PPP4R2: variants seen among roughly 807,000 people sequenced by gnomAD.
PPP4R2 encodes serine/threonine-protein phosphatase 4 regulatory subunit 2.
In PPP4R2, 13 loss-of-function variants were observed where a neutral mutation model predicts 47.2. That is an observed-to-expected ratio of 0.28 (90% CI 0.18 to 0.44). The LOEUF (loss-of-function observed/expected upper bound fraction) is 0.44. PPP4R2 is among the 20% of genes least tolerant of loss of function. The pLI is 1.00. For missense variants in PPP4R2, 421 were observed against 491.2 expected, an observed-to-expected ratio of 0.86 and a Z score of 1.35; for synonymous variants, 151 against 163.3, an observed-to-expected ratio of 0.92 and a Z score of 0.57.
chr3:73,009,291 GATA>G (rs780296274), intron 2 of PPP4R2, among the ~76,000 whole-genome samples: 18 of 152,180 alleles, frequency 1.2e-4, no homozygotes, highest in South Asian at 4.1e-4. Flanking sequence ...TAAAGTGTCT[GATA>G]ATAATATGAG....
rs1703021175 is a variant in PPP4R2, at chr3:73,067,402, A to G, written c.*1680A>G. ...ATAAATACCAAAACGATTTGGATCCATTTATGTTTGTAGGATAATATACTA... is the reference window on the plus strand; with the variant it reads ...ATAAATACCAAAACGATTTGGATCCGTTTATGTTTGTAGGATAATATACTA... On this transcript the variant is annotated 3_prime_UTR_variant, in exon 9 of 9. Coordinates refer to ENST00000356692, the MANE Select transcript of PPP4R2 (RefSeq NM_174907.4). 1.3e-5 allele frequency: 2 copies of G among 152,106 alleles called. No homozygotes were observed. The highest frequency in any genetic ancestry group is 4.8e-5 in the African/African-American group (2 of 41,432). The allele number at this position is 152,106 out of a possible 1,614,324, so 9.4% of individuals were successfully genotyped here.
intron 3 of PPP4R2, among the ~76,000 whole-genome samples, chr3:73,053,759 A>G (rs1409579255): frequency 6.6e-6 from 1 of 151,982 alleles, no homozygotes; most frequent in East Asian, 2.0e-4. Flanking sequence ...AATACAAAAA[A>G]TTAGCTGGGC....
At chr3:73,055,280 A>G (rs941723158) in intron 3 of PPP4R2, among the ~76,000 whole-genome samples, 1 of 152,118 alleles carries the variant, frequency 6.6e-6, no homozygotes, top group African/African-American at 2.4e-5. Flanking sequence ...TTAATATACC[A>G]TATACATTAT....
Position 73,047,335 on chromosome 3 carries a change from A to G in PPP4R2, c.266A>G (p.Lys89Arg). 3 of 1,610,208 alleles carry G rather than the reference A, an allele frequency of 1.9e-6. No homozygotes were observed. The highest frequency in any genetic ancestry group is 2.5e-6 in the Non-Finnish European group (3 of 1,177,964). The change falls in exon 3 of 9, where the codon AAA (lysine) becomes AGA (arginine). Residue 89 changes from lysine (K) to arginine (R), a missense_variant. Around this residue, in one of 2 missense-constraint regions of PPP4R2, gnomAD observed 104 missense variants for 203.7 expected, o/e 0.51. Transcript: ENST00000356692. ...GATGAAATGAAGGAAAGAATACTGA[A>G]AATTGTCACTGGATTTAATGGGTAT... is the stretch of plus-strand genomic sequence containing the variant. Reference protein sequence around the residue: ...PFDEMKERILKIVTGFNGIPF... With the variant: ...PFDEMKERILRIVTGFNGIPF...
At chr3:73,044,250 G>A (rs1029849143) in intron 2 of PPP4R2, among the ~76,000 whole-genome samples, 1 of 151,856 alleles carries the variant, frequency 6.6e-6, no homozygotes, top group Non-Finnish European at 1.5e-5. Context: ...TGTTTTTGGA[G>A]CAACCAAACT....
In PPP4R2 at chr3:73,066,239, C is replaced by CATACATATATATATATATATATATATAT. The variant is rs1553652539; in HGVS notation, c.*520_*521insCATATATATATATATATATATATATATA. 12 of 134,116 alleles carry CATACATATATATATATATATATATATAT rather than the reference C, an allele frequency of 8.9e-5. No individual in the cohort carries two copies. Among genetic ancestry groups the CATACATATATATATATATATATATATAT allele is most frequent in the African/African-American group, 3.3e-4 (12 of 36,578 alleles). 8.3% of individuals were successfully genotyped at this position (134,116 alleles called of 1,614,324 possible). ...TGGAACTTTAAGTCATATATACATACATATATATATATATATATATATAAT... is the reference window on the plus strand; with the variant it reads ...TGGAACTTTAAGTCATATATACATACATACATATATATATATATATATATATATATATATATATATATATATATATAAT... On this transcript the variant is annotated 3_prime_UTR_variant, in exon 9 of 9. Transcript: ENST00000356692.
At chr3:73,015,733 G>A (rs1290429119) in intron 2 of PPP4R2, 5 of 421,338 alleles carry the variant, frequency 1.2e-5, no homozygotes, top group African/African-American at 6.3e-5. Context: ...CACCCCCTGG[G>A]TTCATGCCAT....
At position 73,062,397 on chromosome 3, in the gene PPP4R2, G is replaced by A. The variant is rs180889188; in HGVS notation, c.420-1276G>A. ...TGGGGATATTAAGGACATTAAAAAA[G>A]CAGCCAAGTCTATGCTAGACCCAGC... On this transcript the variant is annotated intron_variant, in intron 5 of 8. Transcript: ENST00000356692. The A allele has an allele frequency of 7.4e-5, 119 of 1,607,260 alleles. No homozygotes were observed. The highest frequency in any genetic ancestry group is 9.5e-5 in the Non-Finnish European group (112 of 1,178,106).
At chr3:73,008,650 T>TAAAA (rs199881093) in intron 2 of PPP4R2, among the ~76,000 whole-genome samples, 1 of 152,134 alleles carries the variant, frequency 6.6e-6, no homozygotes, top group Admixed American at 6.6e-5. Context: ...TTTCCTCACT[T>TAAAA]AAAAAAATGG....
rs549972484 is a variant in PPP4R2 at position 73,068,196 on chromosome 3, G to A, written c.*2474G>A. On this transcript the variant is annotated 3_prime_UTR_variant, in exon 9 of 9. Transcript: ENST00000356692. ...TCACTTCTGAACAGAAGTGATTTTA[G>A]GCATATTTCTTAACATATATCAAGC... 6.6e-6 allele frequency: 1 copy of A among 152,168 alleles called. No individual in the cohort carries two copies. The highest frequency in any genetic ancestry group is 2.1e-4 in the South Asian group (1 of 4,818). The allele number at this position is 152,168 out of a possible 1,614,324, so 9.4% of individuals were successfully genotyped here. A position where few individuals can be genotyped will look rare whatever the true frequency, so the allele number is the denominator to read the frequency against.
chr3:73,005,236 C>A (rs376574711), intron 2 of PPP4R2, among the ~76,000 whole-genome samples: 1 of 151,838 alleles, frequency 6.6e-6, no homozygotes, highest in Non-Finnish European at 1.5e-5. Flanking sequence ...CCACTGCGCC[C>A]GGCCAAAATA....
chr3:73,035,234 G>A (rs958315107), intron 2 of PPP4R2, among the ~76,000 whole-genome samples: 1 of 152,034 alleles, frequency 6.6e-6, no homozygotes, highest in Non-Finnish European at 1.5e-5. Context: ...CCAGTTAAAT[G>A]ACCATTATCA....
chr3:73,037,824 G>A (rs999094695), intron 2 of PPP4R2, among the ~76,000 whole-genome samples: 24 of 152,014 alleles, frequency 1.6e-4, no homozygotes, highest in African/African-American at 4.1e-4. Flanking sequence ...CTGAAATCTC[G>A]GCAATTAAGT....
At chr3:73,017,688 T>C (rs1701869894) in intron 2 of PPP4R2, among the ~76,000 whole-genome samples, 1 of 152,140 alleles carries the variant, frequency 6.6e-6, no homozygotes, top group Non-Finnish European at 1.5e-5. Context: ...GGAAGAACTT[T>C]GGAAGAAGCT....
intron 3 of PPP4R2, among the ~76,000 whole-genome samples, chr3:73,048,173 C>CA (rs1264891919): frequency 1.3e-5 from 2 of 152,206 alleles, no homozygotes; most frequent in African/African-American, 4.8e-5. Context: ...CCACGCCCGG[C>CA]AGTACTCATT....
intron 2 of PPP4R2, among the ~76,000 whole-genome samples, chr3:73,020,263 A>G (rs1046451117): frequency 3.9e-5 from 6 of 152,086 alleles, no homozygotes; most frequent in Admixed American, 3.3e-4. Context: ...TGGTGGGACA[A>G]TAGCTCACTG....
At chr3:73,027,349 A>G (rs887493980) in intron 2 of PPP4R2, among the ~76,000 whole-genome samples, 12 of 152,158 alleles carry the variant, frequency 7.9e-5, no homozygotes, top group African/African-American at 2.4e-4. Flanking sequence ...GGTGATCTCA[A>G]TCTCCTGACC....
intron 2 of PPP4R2, among the ~76,000 whole-genome samples, chr3:73,030,187 T>C (rs1702142899): frequency 6.6e-6 from 1 of 152,276 alleles, no homozygotes; most frequent in Non-Finnish European, 1.5e-5. Context: ...AAAGTTGATG[T>C]AGATGATAGG....
In PPP4R2 at chr3:73,013,041, C is replaced by T. The variant is rs79945782; in HGVS notation, c.116+14883C>T. Among the ~76,000 whole-genome samples the T allele has an allele frequency of 9.0e-3, 1,369 of 151,476 alleles. 21 individuals carry two copies. The highest frequency in any genetic ancestry group is 0.032 in the African/African-American group (1,302 of 41,220). On this transcript the variant is annotated intron_variant, in intron 2 of 8. Transcript: ENST00000356692. ...AGATACTGATACTTTTCTAGTCTTG[C>T]CCTGCCTGCTTGTTCATAGTAGAGA...
Sources: allele counts gnomAD v4.1 joint callset (sites outside exome capture counted in the v4.1 genomes callset), GRCh38; gene constraint gnomAD v4.1.1; regional missense constraint gnomAD v4.1.1; transcripts MANE v1.5; gene names NCBI Gene and HGNC (gene_info 2026-07-23, HGNC 2026-07-21).